Variants in ANXA10 observed in about 807,000 individuals in gnomAD.
ANXA10 encodes annexin A10.
ANXA10 carries 49 observed loss-of-function variants against 53.5 expected under a neutral mutation model. The ratio of observed to expected loss-of-function variants is 0.92; its 90% CI spans 0.73 to 1.16. The LOEUF is 1.16. ANXA10 is among the 50% of genes most tolerant of loss of function. The pLI, the probability that ANXA10 is intolerant of heterozygous loss-of-function variation, is 0.00. For synonymous variants in ANXA10, 131 were observed against 128.9 expected, an observed-to-expected ratio of 1.02 and a Z score of -0.11; for missense variants, 393 against 394.4, an observed-to-expected ratio of 1.00 and a Z score of 0.03.
At chr4:168,110,359 A>T (rs962643661) in intron 1 of ANXA10, among the ~76,000 whole-genome samples, 1 of 152,028 alleles carries the variant, frequency 6.6e-6, no homozygotes, top group African/African-American at 2.4e-5. Flanking sequence ...AGCTAGATGT[A>T]TAGTTAATGT....
At chr4:168,155,221 G>T (rs1036278609) in intron 3 of ANXA10, among the ~76,000 whole-genome samples, 1 of 148,266 alleles carries the variant, frequency 6.7e-6, no homozygotes, top group Admixed American at 7.0e-5. Context: ...TTCATTTTAT[G>T]AATAATATCT....
At chr4:168,173,026 G>A (rs1468686138) in intron 6 of ANXA10, among the ~76,000 whole-genome samples, 2 of 152,096 alleles carry the variant, frequency 1.3e-5, no homozygotes, top group African/African-American at 4.8e-5. Flanking sequence ...CTGACCTGAG[G>A]AGGTCCACCT....
rs536065677 is a variant in ANXA10 at position 168,168,698 on chromosome 4, C to T, written c.480+3372C>T. On this transcript the variant is annotated intron_variant, in intron 6 of 11. Coordinates refer to ENST00000359299, the MANE Select transcript of ANXA10 (RefSeq NM_007193.5). ...CCTCCCAAAGTGCTGGGATTACAGG[C>T]GTGAGCCACCGCGCCTGGCCAATCA... Among the ~76,000 whole-genome samples the T allele has an allele frequency of 1.9e-4, 29 of 152,228 alleles. No individual in the cohort carries two copies. The East Asian group carries it at 2.9e-3, about 15-fold the overall frequency.
intron 1 of ANXA10, among the ~76,000 whole-genome samples, chr4:168,101,966 A>C (rs1179405830): frequency 2.6e-5 from 4 of 152,158 alleles, no homozygotes; most frequent in African/African-American, 9.7e-5. Context: ...GTGAAAACTA[A>C]GACTATCAAT....
At chr4:168,180,710 A>G (rs1015831902) in intron 9 of ANXA10, among the ~76,000 whole-genome samples, 2 of 152,210 alleles carry the variant, frequency 1.3e-5, no homozygotes, top group African/African-American at 4.8e-5. Context: ...AATTACTTAA[A>G]CTACCAGGGA....
intron 10 of ANXA10, among the ~76,000 whole-genome samples, chr4:168,183,726 A>C (rs1314050996): frequency 6.6e-6 from 1 of 152,226 alleles, no homozygotes; most frequent in Admixed American, 6.5e-5. Flanking sequence ...TCACCCCTGA[A>C]CCAAAGATAT....
At chr4:168,131,551 A>C (rs1731157225) in intron 2 of ANXA10, among the ~76,000 whole-genome samples, 1 of 151,958 alleles carries the variant, frequency 6.6e-6, no homozygotes, top group South Asian at 2.1e-4. Context: ...GGATTTTTAA[A>C]TTACTTATAG....
intron 1 of ANXA10, among the ~76,000 whole-genome samples, chr4:168,104,284 G>A (rs1021981810): frequency 3.3e-5 from 5 of 151,690 alleles, no homozygotes; most frequent in East Asian, 1.9e-4. Flanking sequence ...TTATATATTA[G>A]TACATTGAAT....
rs1164610966 is a variant in ANXA10, at chr4:168,187,060, T to C, written c.907-306T>C. Reference sequence around the variant, plus strand: ...TTTATAACAATAATAATAATAACATTAGGGTACATCTTCCTAAAGTTGAGG... The same window carrying C: ...TTTATAACAATAATAATAATAACATCAGGGTACATCTTCCTAAAGTTGAGG... On this transcript the variant is annotated intron_variant, in intron 11 of 11. Coordinates refer to ENST00000359299, the MANE Select transcript of ANXA10 (RefSeq NM_007193.5). Among the ~76,000 whole-genome samples, 3 of 152,076 alleles carry C rather than the reference T, an allele frequency of 2.0e-5. No homozygotes were observed. In the East Asian group the frequency reaches 5.8e-4, roughly 29 times the overall value.
intron 6 of ANXA10, among the ~76,000 whole-genome samples, chr4:168,176,785 G>A (rs9992785): frequency 0.091 from 13,801 of 151,888 alleles, 1,020 homozygotes; most frequent in African/African-American, 0.21. Context: ...AGAATCACTT[G>A]AGGCCAGGAG....
chr4:168,093,684 A>G (rs909267380), intron 1 of ANXA10, among the ~76,000 whole-genome samples: 5 of 152,324 alleles, frequency 3.3e-5, no homozygotes, highest in African/African-American at 1.2e-4. Context: ...CTCAAAAAAC[A>G]AAAAACAACT....
intron 1 of ANXA10, among the ~76,000 whole-genome samples, chr4:168,110,922 G>C (rs1303157517): frequency 6.6e-6 from 1 of 152,106 alleles, no homozygotes; most frequent in Non-Finnish European, 1.5e-5. Flanking sequence ...GTAATCTAAA[G>C]GACCATTCTT....
intron 1 of ANXA10, among the ~76,000 whole-genome samples, chr4:168,115,136 G>A (rs917821311): frequency 1.3e-5 from 2 of 152,172 alleles, no homozygotes; most frequent in Non-Finnish European, 2.9e-5. Context: ...ACCTGCCTCA[G>A]ATTCCCAGAG....
At chr4:168,130,981 C>T (rs1731148269) in intron 2 of ANXA10, among the ~76,000 whole-genome samples, 2 of 151,726 alleles carry the variant, frequency 1.3e-5, no homozygotes, top group Admixed American at 1.3e-4. Flanking sequence ...CTTGATTTTC[C>T]AATTTCAAAT....
At position 168,095,260 on chromosome 4, in the gene ANXA10, C is replaced by T. The variant is rs183959668; in HGVS notation, c.18+2542C>T. 4.6e-5 allele frequency among the ~76,000 whole-genome samples: 7 copies of T among 151,914 alleles called. No homozygotes were observed. In the East Asian group the frequency reaches 1.4e-3, roughly 29 times the overall value. On this transcript the variant is annotated intron_variant, in intron 1 of 11. Transcript: ENST00000359299. ...TTGTCCTGTTTTGTCATCAGCTGATCCCCCTTGTTCATACAGTAGCATCTT... is the reference window on the plus strand; with the variant it reads ...TTGTCCTGTTTTGTCATCAGCTGATTCCCCTTGTTCATACAGTAGCATCTT...
At chr4:168,113,000 G>T (rs978180748) in intron 1 of ANXA10, among the ~76,000 whole-genome samples, 1 of 151,820 alleles carries the variant, frequency 6.6e-6, no homozygotes, top group Non-Finnish European at 1.5e-5. Flanking sequence ...TCCAGCCTGG[G>T]TGACAGAGGG....
chr4:168,147,743 T>C (rs1731428293), intron 3 of ANXA10, among the ~76,000 whole-genome samples: 2 of 152,234 alleles, frequency 1.3e-5, no homozygotes, highest in Non-Finnish European at 2.9e-5. Flanking sequence ...AATGGTGACA[T>C]GGACACCTGC....
intron 4 of ANXA10, 136 bp downstream of exon 4, chr4:168,162,777 A>G: frequency 1.4e-6 from 1 of 722,540 alleles, no homozygotes; most frequent in East Asian, 2.7e-5. Flanking sequence ...ATGATGTAAC[A>G]ATGGAAATGT....
rs145654750 is a variant in ANXA10, at chr4:168,139,570, T to C, written c.185T>C (p.Met62Thr). The C allele has an allele frequency of 8.5e-4, 1,366 of 1,609,772 alleles. No homozygotes were observed. Among genetic ancestry groups the C allele is most frequent in the Non-Finnish European group, 1.1e-3 (1,265 of 1,176,706 alleles). ...ATGATTGCAGAGGCATACCAGAGCA[T>C]GTATGGCCGGGTAAGGCCACTTTAT... is the stretch of plus-strand genomic sequence containing the variant. ...RMMIAEAYQS[M>T]YGRDLIGDMR... Residue 62 changes from methionine (M) to threonine (T), a missense_variant, in exon 3 of 12, where the codon ATG becomes ACG. Coordinates refer to ENST00000359299, the MANE Select transcript of ANXA10 (RefSeq NM_007193.5).
Sources: allele counts gnomAD v4.1 joint callset (sites outside exome capture counted in the v4.1 genomes callset), GRCh38; gene constraint gnomAD v4.1.1; transcripts MANE v1.5; gene names NCBI Gene and HGNC (gene_info 2026-07-23, HGNC 2026-07-21).